The following PATZ1 variants were observed in gnomAD, a reference collection of about 807,000 sequenced individuals.
PATZ1 encodes POZ-, AT hook-, and zinc finger-containing protein 1.
A neutral mutation model predicts 46.2 loss-of-function variants in PATZ1; 9 were observed. That is an observed-to-expected ratio of 0.19 (90% confidence interval 0.12 to 0.34). PATZ1 has a LOEUF of 0.34. Among genes scored for constraint, PATZ1 ranks in the 10% least tolerant of loss-of-function variants. PATZ1 has a pLI of 1.00. For missense variants in PATZ1, 632 were observed against 923.0 expected (o/e 0.68, Z 4.08); for synonymous variants, 426 against 378.6 (o/e 1.13, Z -1.45).
At position 31,345,620 on chromosome 22, in the gene PATZ1, A is replaced by C; in HGVS notation, c.-18T>G. 1.3e-6 allele frequency: 2 copies of C among 1,568,448 alleles called. No individual in the cohort carries two copies. Among genetic ancestry groups the C allele is most frequent in the Non-Finnish European group, 1.7e-6 (2 of 1,153,122 alleles). ...CGCTCCATGGCCGCCGCCCCCTCCC[A>C]CTAGCCCGGCCGCTGCACCTGCCCG... On this transcript the variant is annotated 5_prime_UTR_variant, in exon 1 of 5. Transcript: ENST00000266269. The surrounding 1 kb of genome is among the most constrained non-coding windows in gnomAD (Gnocchi z 7.4).
intron 3 of PATZ1, among the ~76,000 whole-genome samples, chr22:31,329,686 G>A (rs774076166): frequency 6.6e-6 from 1 of 152,168 alleles, no homozygotes; most frequent in Non-Finnish European, 1.5e-5. Flanking sequence ...AGGACAATCC[G>A]GCCTTCTTGG....
chr22:31,345,637 A>C lies in PATZ1; in HGVS notation c.-35T>G, dbSNP rs1328962895. 1 of 1,544,102 alleles carries C rather than the reference A, an allele frequency of 6.5e-7. No homozygotes were observed. The highest frequency in any genetic ancestry group is 1.4e-5 in the African/African-American group (1 of 73,488). ...CCCCTCCCACTAGCCCGGCCGCTGC[A>C]CCTGCCCGCCCCCTCCCTTCCCCTC... is the stretch of plus-strand genomic sequence containing the variant. On this transcript the variant is annotated 5_prime_UTR_variant, in exon 1 of 5. Coordinates refer to ENST00000266269, the MANE Select transcript of PATZ1 (RefSeq NM_014323.3). The surrounding 1 kb of genome is among the most constrained non-coding windows in gnomAD (Gnocchi z 7.4).
intron 1 of PATZ1, chr22:31,343,547 C>G: frequency 1.9e-6 from 1 of 522,976 alleles, no homozygotes; most frequent in Non-Finnish European, 2.5e-6. Flanking sequence ...AGGGAGTTCT[C>G]CATCCCTGTG....
Position 31,327,149 on chromosome 22 carries a change from C to T in PATZ1, c.1806G>A (p.Glu602=), listed in dbSNP as rs778526236. 3.1e-5 allele frequency: 50 copies of T among 1,614,204 alleles called. No individual in the cohort carries two copies. The highest frequency in any genetic ancestry group is 3.0e-5 in the Non-Finnish European group (35 of 1,180,024). The change falls in exon 5 of 5, where the codon GAG becomes GAA. Residue 602 remains glutamate (E), a synonymous_variant. Transcript: ENST00000266269. The surrounding 1 kb of genome is among the most constrained non-coding windows in gnomAD (Gnocchi z 4.2). ...VPKNKMESDG[E]KKYPCPECGS... is the part of the protein sequence containing the mutation. Reference sequence around the variant, plus strand: ...CACATTCAGGGCATGGGTACTTCTTCTCCCCATCAGACTCCATTTTGTTTT... The same window carrying T: ...CACATTCAGGGCATGGGTACTTCTTTTCCCCATCAGACTCCATTTTGTTTT...
Position 31,344,868 on chromosome 22 carries a change from T to G in PATZ1, c.735A>C (p.Gln245His). The G allele has an allele frequency of 6.2e-7, 1 of 1,612,866 alleles. No individual in the cohort carries two copies. Among genetic ancestry groups the G allele is most frequent in the South Asian group, 1.1e-5 (1 of 91,076 alleles). The change falls in exon 1 of 5, where the codon CAA (glutamine) becomes CAC (histidine). Residue 245 changes from glutamine to histidine, a missense_variant. Around this residue, in one of 7 missense-constraint regions of PATZ1, gnomAD observed 279 missense variants for 284.3 expected, o/e 0.98. Transcript: ENST00000266269. ...CACTGGGGAATGGGGAAGTCAGCAG[T>G]TGGGGGGATAGGGGTCCAGCCACCA... Reference protein sequence around the residue: ...LPMVAGPLSPQLLTSPFPSVA... With the variant: ...LPMVAGPLSPHLLTSPFPSVA...
intron 2 of PATZ1, chr22:31,337,778 T>C (rs1242263255): frequency 6.6e-6 from 1 of 152,192 alleles, no homozygotes; most frequent in Non-Finnish European, 1.5e-5. Context: ...CATCTCTCTT[T>C]AACAGAAGCA....
chr22:31,329,727 G>A (rs1233809969), intron 3 of PATZ1, among the ~76,000 whole-genome samples: 5 of 152,130 alleles, frequency 3.3e-5, no homozygotes, highest in East Asian at 1.9e-4. Context: ...CAGATGCTTC[G>A]GTCAGTCTGA....
At chr22:31,343,930 A>G (rs2145829469) in intron 1 of PATZ1, among the ~76,000 whole-genome samples, 1 of 151,740 alleles carries the variant, frequency 6.6e-6, no homozygotes, top group South Asian at 2.1e-4. Context: ...TCCCAGATGC[A>G]CTTGTTCCAG....
At chr22:31,335,242 G>C (rs2049494119) in intron 3 of PATZ1, 1 of 156,792 alleles carries the variant, frequency 6.4e-6, no homozygotes, top group Non-Finnish European at 1.4e-5. Context: ...TTTATCTCCA[G>C]ACTCAACCTC....
Position 31,327,807 on chromosome 22 carries a change from A to T in PATZ1, c.1646-498T>A, listed in dbSNP as rs1161382620. Among the ~76,000 whole-genome samples the T allele has an allele frequency of 6.6e-6, 1 of 152,194 alleles. No homozygotes were observed. Among genetic ancestry groups the T allele is most frequent in the Non-Finnish European group, 1.5e-5 (1 of 68,034 alleles). ...GTCCTCAACCTGGGTAGACCCCATCAATGGCTCAGACAGAAGCCAATCCTT... is the reference window on the plus strand; with the variant it reads ...GTCCTCAACCTGGGTAGACCCCATCTATGGCTCAGACAGAAGCCAATCCTT... On this transcript the variant is annotated intron_variant, in intron 4 of 4. Coordinates refer to ENST00000266269, the MANE Select transcript of PATZ1 (RefSeq NM_014323.3). The surrounding 1 kb of genome is among the most constrained non-coding windows in gnomAD (Gnocchi z 4.2).
chr22:31,343,037 T>TACAC, intron 1 of PATZ1, 77 bp from the exon 2 acceptor site: 6 of 1,578,072 alleles, frequency 3.8e-6, no homozygotes, highest in Non-Finnish European at 5.2e-6. Context: ...CATACGTGTG[T>TACAC]ACACACACAC....
intron 3 of PATZ1, among the ~76,000 whole-genome samples, chr22:31,334,177 AAACGACATTATTT>A (rs1337029516): frequency 2.0e-5 from 3 of 152,214 alleles, no homozygotes; most frequent in African/African-American, 4.8e-5. Flanking sequence ...GCAAGACAAG[AAACGACATTATTT>A]CTAGGGCTGG....
chr22:31,341,338 C>T, intron 2 of PATZ1: 1 of 1,500,770 alleles, frequency 6.7e-7, no homozygotes, highest in South Asian at 1.4e-5. Context: ...CTCCCAAAAG[C>T]AGGGGTCTCA....
chr22:31,345,480 G>A lies in PATZ1; in HGVS notation c.123C>T (p.Cys41=), dbSNP rs1243493320. Residue 41 remains cysteine, a synonymous_variant, in exon 1 of 5, where the codon TGC becomes TGT. Transcript: ENST00000266269. This position sits in a 1 kb window ranked among gnomAD's most constrained non-coding sequence, Gnocchi z 7.4. ...CGTCGCCTACCCGCAAGAGCACGTC[G>A]CAGAAGCGCCCGCCGTTTTTGCGCT... The part of the protein sequence containing the change: ...NQQRKNGGRF[C]DVLLRVGDES... The A allele has an allele frequency of 6.2e-7, 1 of 1,611,854 alleles. No homozygotes were observed. Among genetic ancestry groups the A allele is most frequent in the Non-Finnish European group, 8.5e-7 (1 of 1,179,552 alleles).
At chr22:31,339,499 C>G (rs1348779001) in intron 2 of PATZ1, among the ~76,000 whole-genome samples, 3 of 152,196 alleles carry the variant, frequency 2.0e-5, no homozygotes, top group East Asian at 3.8e-4. Context: ...CGGAGGGAGA[C>G]AGATCTCAAA....
intron 3 of PATZ1, among the ~76,000 whole-genome samples, chr22:31,331,303 TC>T (rs2145813329): frequency 2.0e-5 from 3 of 152,046 alleles, no homozygotes; most frequent in African/African-American, 7.2e-5. Context: ...ATTAGAACTT[TC>T]TGATAATATG....
At position 31,328,947 on chromosome 22, in the gene PATZ1, A is replaced by C; in HGVS notation, c.1508-23T>G. The C allele has an allele frequency of 1.2e-6, 2 of 1,600,164 alleles. No individual in the cohort carries two copies. The highest frequency in any genetic ancestry group is 1.7e-6 in the Non-Finnish European group (2 of 1,172,996). On this transcript the variant is annotated intron_variant, in intron 3 of 4. Coordinates refer to ENST00000266269, the MANE Select transcript of PATZ1 (RefSeq NM_014323.3). This position sits in a 1 kb window ranked among gnomAD's most constrained non-coding sequence, Gnocchi z 4.8. ...AACCTAAACAAGACAAAAGGAGATG[A>C]GATCCCGCGGCCAGCAAGAGATACC...
At chr22:31,343,063 G>C in intron 1 of PATZ1, 103 bp from the exon 2 acceptor site, 2 of 1,545,454 alleles carry the variant, frequency 1.3e-6, no homozygotes, top group African/African-American at 1.4e-5. Flanking sequence ...CTCACTGCTG[G>C]AAAGGACTCC....
At chr22:31,329,457 G>T (rs560403475) in intron 3 of PATZ1, among the ~76,000 whole-genome samples, 3 of 152,210 alleles carry the variant, frequency 2.0e-5, no homozygotes, top group African/African-American at 2.4e-5. Context: ...TCTTCTACCT[G>T]TCAGGAGATG....
Sources: gnomAD v4.1 joint callset for allele counts (sites outside exome capture counted in the v4.1 genomes callset) on GRCh38, gnomAD v4.1.1 for gene constraint, gnomAD v4.1.1 regional missense constraint, Gnocchi (gnomAD v3.1) non-coding constraint, MANE v1.5 for transcripts, NCBI Gene and HGNC (gene_info 2026-07-23, HGNC 2026-07-21) for gene names.